The following ABCD2 variants were observed in gnomAD, a reference collection of about 807,000 sequenced individuals.
ABCD2 encodes ATP binding cassette subfamily D member 2.
Under a neutral mutation model 70.9 loss-of-function variants are expected in ABCD2, and 36 were observed. The observed-to-expected ratio is 0.51, with a 90% CI of 0.39 to 0.67. The LOEUF is 0.67. Ranked by LOEUF, ABCD2 falls within the 30% of genes least tolerant of loss-of-function variation. ABCD2 has a pLI of 0.00. For missense variants in ABCD2, 729 were observed against 890.2 expected, an observed-to-expected ratio of 0.82 and a Z score of 2.30; for synonymous variants, 304 against 306.9, an observed-to-expected ratio of 0.99 and a Z score of 0.10.
intron 6 of ABCD2, among the ~76,000 whole-genome samples, chr12:39,594,100 A>C (rs1274274110): frequency 6.6e-6 from 1 of 152,192 alleles, no homozygotes; most frequent in Non-Finnish European, 1.5e-5. Context: ...ATTAGTACAG[A>C]TCAGCACACC....
At chr12:39,586,088 AT>A in intron 7 of ABCD2, 63 bp downstream of exon 7, 2 of 1,453,590 alleles carry the variant, frequency 1.4e-6, no homozygotes, top group Admixed American at 1.9e-5. Flanking sequence ...CAGACTAAAT[AT>A]ATACCCAAGC....
At chr12:39,618,515 A>G (rs1018341138) in intron 1 of ABCD2, among the ~76,000 whole-genome samples, 162 bp downstream of exon 1, 1 of 152,184 alleles carries the variant, frequency 6.6e-6, no homozygotes, top group Non-Finnish European at 1.5e-5. Flanking sequence ...GTTACAGTTA[A>G]AAGGGGTAAT....
At chr12:39,549,358 CACA>C (rs1475965285), downstream of ABCD2, among the ~76,000 whole-genome samples, 1 of 151,878 alleles carries the variant, frequency 6.6e-6, no homozygotes, top group Non-Finnish European at 1.5e-5. Context: ...TATATGGAGT[CACA>C]ACATCTAACT....
At chr12:39,534,635 G>C in the ABCD2 span, among the ~76,000 whole-genome samples, 1 of 148,080 alleles carries the variant, frequency 6.8e-6, no homozygotes, top group South Asian at 2.1e-4. Flanking sequence ...AACACAGGGA[G>C]ACCCAGAAAG....
rs888011472 is a variant in ABCD2 at position 39,550,285 on chromosome 12, T to G, written c.*3627A>C. 32 of 151,760 alleles carry G rather than the reference T, an allele frequency of 2.1e-4. No individual in the cohort carries two copies. The highest frequency in any genetic ancestry group is 7.0e-4 in the African/African-American group (29 of 41,406). The allele number at this position is 151,760 out of a possible 1,614,324, so 9.4% of individuals were successfully genotyped here. A position where few individuals can be genotyped will look rare whatever the true frequency, so the allele number is the denominator to read the frequency against. On this transcript the variant is annotated 3_prime_UTR_variant, in exon 10 of 10. Transcript: ENST00000308666. ...TTGTAAAAATGGAATAATTTGTAATTCCTTTGATTAATCTAGTCTTTTTCT... is the reference window on the plus strand; with the variant it reads ...TTGTAAAAATGGAATAATTTGTAATGCCTTTGATTAATCTAGTCTTTTTCT...
intron 9 of ABCD2, among the ~76,000 whole-genome samples, chr12:39,568,030 C>T (rs1941384049): frequency 6.6e-6 from 1 of 151,662 alleles, no homozygotes; most frequent in African/African-American, 2.4e-5. Context: ...TGTGGGTAAC[C>T]CCACCTTTCT....
chr12:39,550,458 C>T lies in ABCD2; in HGVS notation c.*3454G>A, dbSNP rs1475873628. The T allele has an allele frequency of 1.3e-5, 2 of 151,672 alleles. No homozygotes were observed. Among genetic ancestry groups the T allele is most frequent in the Non-Finnish European group, 3.0e-5 (2 of 67,674 alleles). The allele number at this position is 151,672 out of a possible 1,614,324, so 9.4% of individuals were successfully genotyped here. Reference sequence around the variant, plus strand: ...TAAGGACATTTTTCTCATTCATTTTCATTAATACAATTCTGGCTTATAAAT... The same window carrying T: ...TAAGGACATTTTTCTCATTCATTTTTATTAATACAATTCTGGCTTATAAAT... On this transcript the variant is annotated 3_prime_UTR_variant, in exon 10 of 10. Coordinates refer to ENST00000308666, the MANE Select transcript of ABCD2 (RefSeq NM_005164.4).
chr12:39,588,568 G>A (rs577049100), intron 6 of ABCD2, among the ~76,000 whole-genome samples: 63 of 152,180 alleles, frequency 4.1e-4, no homozygotes, highest in Non-Finnish European at 2.8e-4. Flanking sequence ...TTCAGAGGGC[G>A]TGGATTGCCA....
downstream of ABCD2, among the ~76,000 whole-genome samples, chr12:39,545,824 A>C (rs1730627222): frequency 6.6e-6 from 1 of 152,172 alleles, no homozygotes; most frequent in African/African-American, 2.4e-5. Context: ...GGATCTATGA[A>C]TTCCTGGACC....
At chr12:39,583,031 T>G (rs928578928) in intron 7 of ABCD2, among the ~76,000 whole-genome samples, 2 of 152,052 alleles carry the variant, frequency 1.3e-5, no homozygotes, top group African/African-American at 4.8e-5. Context: ...GGATAATTTT[T>G]GTATGTTTTG....
intron 9 of ABCD2, 68 bp from the exon 10 acceptor site, chr12:39,554,199 TCA>T: frequency 6.8e-7 from 1 of 1,466,448 alleles, no homozygotes; most frequent in Non-Finnish European, 9.2e-7. Context: ...TGTAGGTTTA[TCA>T]TTCAAATTGA....
chr12:39,546,619 A>G (rs1286587178), downstream of ABCD2, among the ~76,000 whole-genome samples: 1 of 152,090 alleles, frequency 6.6e-6, no homozygotes, highest in Non-Finnish European at 1.5e-5. Context: ...TTATGTGACA[A>G]ATAAATAGTG....
the ABCD2 span, among the ~76,000 whole-genome samples, chr12:39,542,279 T>G: frequency 1.3e-5 from 2 of 152,006 alleles, no homozygotes; most frequent in African/African-American, 4.8e-5. Context: ...CTGGCTAACA[T>G]GGGGAAACCC....
At chr12:39,549,462 C>A (rs1566519373), downstream of ABCD2, among the ~76,000 whole-genome samples, 2 of 151,890 alleles carry the variant, frequency 1.3e-5, no homozygotes, top group African/African-American at 2.4e-5. Flanking sequence ...CCTAGCATAG[C>A]AACTGGTACA....
intron 2 of ABCD2, among the ~76,000 whole-genome samples, chr12:39,608,393 G>A (rs980312852): frequency 3.3e-5 from 5 of 151,836 alleles, no homozygotes; most frequent in African/African-American, 1.2e-4. Flanking sequence ...GAGCAATAAT[G>A]TACTACTGGG....
intron 9 of ABCD2, among the ~76,000 whole-genome samples, chr12:39,564,772 T>G (rs988728988): frequency 1.3e-5 from 2 of 152,190 alleles, no homozygotes; most frequent in East Asian, 1.9e-4. Flanking sequence ...GGTCTAACAT[T>G]TAAGTCTTGA....
rs1024924326 is a variant in ABCD2, at chr12:39,551,314, T to G, written c.*2598A>C. On this transcript the variant is annotated 3_prime_UTR_variant, in exon 10 of 10. Coordinates refer to ENST00000308666, the MANE Select transcript of ABCD2 (RefSeq NM_005164.4). ...ATAGCTTTTTGTTTGACCAAAAATA[T>G]GTCAAACGTTTGGGCAAATAGATAT... 6.6e-6 allele frequency: 1 copy of G among 151,748 alleles called. No homozygotes were observed. Among genetic ancestry groups the G allele is most frequent in the African/African-American group, 2.4e-5 (1 of 41,432 alleles). The allele number at this position is 151,748 out of a possible 1,614,324, so 9.4% of individuals were successfully genotyped here.
chr12:39,606,712 T>G lies in ABCD2; in HGVS notation c.1236+887A>C, dbSNP rs565414479. Among the ~76,000 whole-genome samples, 225 of 152,318 alleles carry G rather than the reference T, an allele frequency of 1.5e-3. 3 individuals carry two copies. Among genetic ancestry groups the G allele is most frequent in the Non-Finnish European group, 6.0e-4 (41 of 68,016 alleles). On this transcript the variant is annotated intron_variant, in intron 3 of 9. Coordinates refer to ENST00000308666, the MANE Select transcript of ABCD2 (RefSeq NM_005164.4). The stretch of plus-strand genomic sequence containing the variant: ...TAATATGCAGCTAAATTTACAAAGA[T>G]GCTTTAGAATTTATATTGATATGAT...
chr12:39,562,865 G>T (rs1469749514), intron 9 of ABCD2, among the ~76,000 whole-genome samples: 1 of 152,078 alleles, frequency 6.6e-6, no homozygotes, highest in African/African-American at 2.4e-5. Flanking sequence ...ACAAGAAAAA[G>T]AAAACTACAG....
Sources: gnomAD v4.1 joint callset for allele counts (sites outside exome capture counted in the v4.1 genomes callset) on GRCh38, gnomAD v4.1.1 for gene constraint, MANE v1.5 for transcripts, NCBI Gene and HGNC (gene_info 2026-07-23, HGNC 2026-07-21) for gene names.